CACNA1C: variants seen among roughly 807,000 people sequenced by gnomAD.
CACNA1C encodes voltage-dependent L-type calcium channel subunit alpha-1C.
In CACNA1C, 30 loss-of-function variants were observed where a neutral mutation model predicts 229.0. The ratio of observed to expected loss-of-function variants is 0.13; its 90% CI spans 0.10 to 0.18. CACNA1C has a LOEUF of 0.18. Ranked by LOEUF, CACNA1C falls within the 10% of genes least tolerant of loss-of-function variation. The pLI is 1.00. For synonymous variants in CACNA1C, 1,114 were observed against 1,132.5 expected (o/e 0.98, Z 0.33); for missense variants, 1,658 against 2,845.0 (o/e 0.58, Z 9.49).
At chr12:2,621,890 C>G (rs529240396) in intron 29 of CACNA1C, among the ~76,000 whole-genome samples, 6 of 152,306 alleles carry the variant, frequency 3.9e-5, no homozygotes, top group Admixed American at 6.5e-5. Context: ...ATCTGGAATT[C>G]AGACAGGCGA....
chr12:2,324,822 T>C (rs1751992413), intron 3 of CACNA1C, among the ~76,000 whole-genome samples: 1 of 152,148 alleles, frequency 6.6e-6, no homozygotes, highest in South Asian at 2.1e-4. Flanking sequence ...GTTTGCTGTC[T>C]GTCTTGCTCT....
chr12:2,555,659 C>G (rs1424779087), intron 10 of CACNA1C, among the ~76,000 whole-genome samples: 1 of 152,236 alleles, frequency 6.6e-6, no homozygotes, highest in African/African-American at 2.4e-5. Flanking sequence ...AGCCCTCCAG[C>G]CCTCACAGGC....
intron 4 of CACNA1C, among the ~76,000 whole-genome samples, chr12:2,453,733 C>T (rs1042240547): frequency 3.3e-5 from 5 of 152,282 alleles, no homozygotes; most frequent in African/African-American, 7.2e-5. Flanking sequence ...TGTTCAGGGT[C>T]AGCCAACTTT....
At chr12:2,513,184 A>G (rs1356792641) in intron 9 of CACNA1C, among the ~76,000 whole-genome samples, 200 bp downstream of exon 9, 1 of 152,258 alleles carries the variant, frequency 6.6e-6, no homozygotes, top group East Asian at 1.9e-4. Context: ...CTGTCGATCT[A>G]GAAAACCTCA....
intron 37 of CACNA1C, among the ~76,000 whole-genome samples, chr12:2,667,303 T>C (rs1254367041): frequency 8.0e-5 from 12 of 149,432 alleles, no homozygotes; most frequent in African/African-American, 3.1e-4. Context: ...TTCTCCCTCC[T>C]CTCCACCGTG....
At chr12:2,304,371 A>AG (rs2094836995) in intron 3 of CACNA1C, among the ~76,000 whole-genome samples, 1 of 152,150 alleles carries the variant, frequency 6.6e-6, no homozygotes, top group Non-Finnish European at 1.5e-5. Context: ...AAGCAAGCCA[A>AG]GGGTCCCTCT....
chr12:2,545,485 G>T (rs944259281), intron 9 of CACNA1C, among the ~76,000 whole-genome samples: 1 of 152,038 alleles, frequency 6.6e-6, no homozygotes, highest in Non-Finnish European at 1.5e-5. Context: ...CCGTACGTTC[G>T]TTAGCAATTC....
In CACNA1C at chr12:2,460,736, CTG is replaced by C. The variant is rs560979134; in HGVS notation, c.757+3031_757+3032del. Among the ~76,000 whole-genome samples, 8 of 152,344 alleles carry C rather than the reference CTG, an allele frequency of 5.3e-5. No homozygotes were observed. In the East Asian group the frequency reaches 1.5e-3, roughly 29 times the overall value. ...ATTTTCGCCATTAGAGATGATGACA[CTG>C]AGATGGATTTGCTGTTGTGGGTGCC... On this transcript the variant is annotated intron_variant, in intron 5 of 46. Coordinates refer to ENST00000399655, the MANE Select transcript of CACNA1C (RefSeq NM_000719.7).
In CACNA1C at chr12:2,677,998, C is replaced by G; in HGVS notation, c.5091+131C>G. 1 of 1,062,538 alleles carries G rather than the reference C, an allele frequency of 9.4e-7. No individual in the cohort carries two copies. Among genetic ancestry groups the G allele is most frequent in the Non-Finnish European group, 1.4e-6 (1 of 723,650 alleles). The allele number at this position is 1,062,538 out of a possible 1,614,324, so 65.8% of individuals were successfully genotyped here. On this transcript the variant is annotated intron_variant, in intron 41 of 46. Transcript: ENST00000399655. The surrounding 1 kb of genome is among the most constrained non-coding windows in gnomAD (Gnocchi z 7.4). ...AGGAAAGGGCTACTTCCAGGCTCTT[C>G]CTGATGAGCTGTCTCCTCACCCCTT... is the stretch of plus-strand genomic sequence containing the variant.
intron 43 of CACNA1C, among the ~76,000 whole-genome samples, chr12:2,683,149 C>A (rs1018592506): frequency 3.3e-5 from 5 of 152,140 alleles, no homozygotes; most frequent in Non-Finnish European, 7.3e-5. Flanking sequence ...TGCTGCCATT[C>A]TTAGAGTATT....
chr12:2,287,212 G>C lies in CACNA1C; in HGVS notation c.478-161764G>C, dbSNP rs144108153. On this transcript the variant is annotated intron_variant, in intron 3 of 46. Transcript: ENST00000399655. This position sits in a 1 kb window ranked among gnomAD's most constrained non-coding sequence, Gnocchi z 4.6. ...AACCCCTTCTCTCCATTTTTCCCAA[G>C]GAATATTCTAGAGGAAGGGTTTCTG... 6.6e-6 allele frequency among the ~76,000 whole-genome samples: 1 copy of C among 152,296 alleles called. No individual in the cohort carries two copies. The highest frequency in any genetic ancestry group is 1.9e-4 in the East Asian group (1 of 5,176).
intron 3 of CACNA1C, among the ~76,000 whole-genome samples, chr12:2,343,810 C>T (rs4765924): frequency 0.22 from 33,850 of 152,156 alleles, 5,985 homozygotes; most frequent in African/African-American, 0.5. Context: ...GAAAGAGCAA[C>T]TCATATGAAA....
intron 26 of CACNA1C, 28 bp downstream of exon 26, chr12:2,607,158 G>C (rs1377979340): frequency 1.3e-6 from 2 of 1,595,390 alleles, no homozygotes. Context: ...GGCCCCACGA[G>C]CCCTGACATT....
intron 1 of CACNA1C, among the ~76,000 whole-genome samples, chr12:2,112,456 A>C (rs2082140197): frequency 6.6e-6 from 1 of 152,142 alleles, no homozygotes; most frequent in Non-Finnish European, 1.5e-5. Context: ...GTTCTGTTTA[A>C]TGCAGTTTAT....
chr12:2,492,562 C>T (rs993756226), intron 6 of CACNA1C, among the ~76,000 whole-genome samples: 8 of 152,234 alleles, frequency 5.3e-5, no homozygotes, highest in East Asian at 1.9e-4. Flanking sequence ...TCCCTCTCCC[C>T]GGCAGTCAGA....
rs1405197916 is a variant in CACNA1C, at chr12:2,692,543, G to A, written c.*1344G>A. On this transcript the variant is annotated 3_prime_UTR_variant, in exon 47 of 47. Coordinates refer to ENST00000399655, the MANE Select transcript of CACNA1C (RefSeq NM_000719.7). ...AAAGCAAAAACAAACCACTGTCTCTGCTTCTGAAACGGGAATCAGTAACTC... is the reference window on the plus strand; with the variant it reads ...AAAGCAAAAACAAACCACTGTCTCTACTTCTGAAACGGGAATCAGTAACTC... 1 of 152,650 alleles carries A rather than the reference G, an allele frequency of 6.6e-6. No homozygotes were observed. Among genetic ancestry groups the A allele is most frequent in the Non-Finnish European group, 1.5e-5 (1 of 68,050 alleles). 9.5% of individuals were successfully genotyped at this position (152,650 alleles called of 1,614,324 possible).
rs1052906159 is a variant in CACNA1C, at chr12:2,054,793, C to T, written c.49+1182C>T. 6.6e-5 allele frequency among the ~76,000 whole-genome samples: 10 copies of T among 152,168 alleles called. No homozygotes were observed. Among genetic ancestry groups the T allele is most frequent in the African/African-American group, 2.4e-4 (10 of 41,434 alleles). On this transcript the variant is annotated intron_variant, in intron 1 of 46. Transcript: ENST00000399655. The surrounding 1 kb of genome is among the most constrained non-coding windows in gnomAD (Gnocchi z 5.5). ...TGTTTGCACTCTTCCTCTTCTCTTCCCCTGAAAGCCTATCTGTCACTGCTG... is the reference window on the plus strand; with the variant it reads ...TGTTTGCACTCTTCCTCTTCTCTTCTCCTGAAAGCCTATCTGTCACTGCTG...
At chr12:2,032,945 A>C (rs1468550437) in intron 1 of CACNA1C, among the ~76,000 whole-genome samples, 1 of 152,208 alleles carries the variant, frequency 6.6e-6, no homozygotes, top group Non-Finnish European at 1.5e-5. Flanking sequence ...ACATCCCTCC[A>C]GTGCTTGCTT....
At chr12:2,465,001 T>C (rs1342316038) in intron 5 of CACNA1C, among the ~76,000 whole-genome samples, 1 of 152,218 alleles carries the variant, frequency 6.6e-6, no homozygotes, top group Non-Finnish European at 1.5e-5. Context: ...CTCTGTACCC[T>C]TAGGGAAGTT....
Sources: gnomAD v4.1 joint callset for allele counts (sites outside exome capture counted in the v4.1 genomes callset) on GRCh38, gnomAD v4.1.1 for gene constraint, Gnocchi (gnomAD v3.1) non-coding constraint, MANE v1.5 for transcripts, NCBI Gene and HGNC (gene_info 2026-07-23, HGNC 2026-07-21) for gene names.